The following SLC9A4 variants were observed in gnomAD, a reference collection of about 807,000 sequenced individuals.
SLC9A4 encodes the protein sodium/hydrogen exchanger 4.
Under a neutral mutation model 67.4 loss-of-function variants are expected in SLC9A4, and 63 were observed. The ratio of observed to expected loss-of-function variants is 0.93; its 90% CI spans 0.76 to 1.15. SLC9A4 has a LOEUF of 1.15. Among genes scored for constraint, SLC9A4 ranks in the 50% most tolerant of loss-of-function variants. The probability of loss-of-function intolerance (pLI) is 0.00; values close to 1 mark genes in which losing one functional copy is unlikely to be tolerated. For synonymous variants in SLC9A4, 393 were observed against 367.2 expected (o/e 1.07, Z -0.80); for missense variants, 1,089 against 987.7 (o/e 1.10, Z -1.38).
intron 1 of SLC9A4, 54 bp from the exon 2 acceptor site, chr2:102,478,785 T>A: frequency 1.3e-6 from 2 of 1,554,386 alleles, no homozygotes; most frequent in Non-Finnish European, 1.7e-6. Context: ...AGACCTCAGG[T>A]ACACCCAGAC....
At chr2:102,518,043 G>A (rs1435213044) in intron 8 of SLC9A4, among the ~76,000 whole-genome samples, 1 of 152,146 alleles carries the variant, frequency 6.6e-6, no homozygotes, top group African/African-American at 2.4e-5. Flanking sequence ...CTTGCCCAAG[G>A]GAATCAATTC....
At chr2:102,512,146 T>C in intron 6 of SLC9A4, 57 bp from the exon 7 acceptor site, 1 of 1,591,814 alleles carries the variant, frequency 6.3e-7, no homozygotes, top group Middle Eastern at 1.7e-4. Context: ...AGTTGTCCTG[T>C]GTGTCTTTCA....
chr2:102,473,505 G>T lies in SLC9A4; in HGVS notation c.-255G>T. 1 of 492,572 alleles carries T rather than the reference G, an allele frequency of 2.0e-6. No individual in the cohort carries two copies. Among genetic ancestry groups the T allele is most frequent in the Non-Finnish European group, 3.6e-6 (1 of 277,580 alleles). The allele number at this position is 492,572 out of a possible 1,614,324, so 30.5% of individuals were successfully genotyped here. ...TGGAGGTCCTCCAGGTAGCTCCATG[G>T]ACTTTAACAAGTCTATTGAATAACT... is the stretch of plus-strand genomic sequence containing the variant. On this transcript the variant is annotated 5_prime_UTR_variant, in exon 1 of 12. Coordinates refer to ENST00000295269, the MANE Select transcript of SLC9A4 (RefSeq NM_001011552.4).
intron 2 of SLC9A4, among the ~76,000 whole-genome samples, chr2:102,491,914 G>T (rs983047645): frequency 1.3e-5 from 2 of 152,182 alleles, no homozygotes; most frequent in Middle Eastern, 3.2e-3. Context: ...AAAGGCACTG[G>T]GTAAATACAC....
At chr2:102,484,788 A>C (rs1019783973) in intron 2 of SLC9A4, among the ~76,000 whole-genome samples, 1 of 152,182 alleles carries the variant, frequency 6.6e-6, no homozygotes, top group African/African-American at 2.4e-5. Flanking sequence ...TCAAAGGCCC[A>C]GACAGGCCAG....
chr2:102,509,050 A>G (rs989474439), intron 6 of SLC9A4, 117 bp downstream of exon 6: 24 of 865,570 alleles, frequency 2.8e-5, no homozygotes, highest in Non-Finnish European at 4.0e-5. Flanking sequence ...GCCAAGAGTG[A>G]CTGTATAAGT....
intron 11 of SLC9A4, among the ~76,000 whole-genome samples, chr2:102,527,124 G>A (rs1271997267): frequency 1.3e-5 from 2 of 151,952 alleles, no homozygotes; most frequent in Non-Finnish European, 2.9e-5. Flanking sequence ...AAATCATTCA[G>A]TAGAGAAAAG....
chr2:102,526,443 T>C, intron 11 of SLC9A4, 97 bp downstream of exon 11: 1 of 1,069,104 alleles, frequency 9.4e-7, no homozygotes, highest in Non-Finnish European at 1.4e-6. Flanking sequence ...GAACATTATG[T>C]AGGTTACTTA....
At chr2:102,513,320 C>T (rs1685204810) in intron 7 of SLC9A4, among the ~76,000 whole-genome samples, 1 of 152,184 alleles carries the variant, frequency 6.6e-6, no homozygotes, top group African/African-American at 2.4e-5. Flanking sequence ...GATAATAAAC[C>T]AGCAGCCCGG....
rs28738829 is a variant in SLC9A4, at chr2:102,510,208, G to T, written c.1488+1275G>T. Among the ~76,000 whole-genome samples the T allele has an allele frequency of 5.4e-3, 823 of 152,070 alleles. 16 individuals carry two copies. The highest frequency in any genetic ancestry group is 0.019 in the African/African-American group (789 of 41,424). On this transcript the variant is annotated intron_variant, in intron 6 of 11. Coordinates refer to ENST00000295269, the MANE Select transcript of SLC9A4 (RefSeq NM_001011552.4). ...ATGGATATAGATATAGATAGATATAGATATAGATACAGATACGGATACGGA... is the reference window on the plus strand; with the variant it reads ...ATGGATATAGATATAGATAGATATATATATAGATACAGATACGGATACGGA...
intron 11 of SLC9A4, among the ~76,000 whole-genome samples, chr2:102,530,285 G>A (rs1674752124): frequency 6.6e-6 from 1 of 152,152 alleles, no homozygotes; most frequent in African/African-American, 2.4e-5. Context: ...ATGTCCAGAA[G>A]TTAAGGCTTT....
intron 9 of SLC9A4, among the ~76,000 whole-genome samples, chr2:102,521,026 C>G (rs1172370776): frequency 2.6e-5 from 4 of 152,346 alleles, no homozygotes; most frequent in Non-Finnish European, 5.9e-5. Flanking sequence ...AATTCCATGG[C>G]TTTCAAATCA....
chr2:102,508,268 C>A lies in SLC9A4; in HGVS notation c.1388C>A (p.Thr463Asn), dbSNP rs1319840440. ...VTATLVVIYF[T>N]VFIQGITVGP... Reference sequence around the variant, plus strand: ...GCTACTCTAGTAGTTATATACTTTACTGTATTTATTCAGGTAAGTAGATTT... The same window carrying A: ...GCTACTCTAGTAGTTATATACTTTAATGTATTTATTCAGGTAAGTAGATTT... Residue 463 changes from threonine to asparagine, a missense_variant, in exon 5 of 12, where the codon ACT (threonine) becomes AAT (asparagine). By Grantham distance (65) the Thr-to-Asn change is moderately conservative. Coordinates refer to ENST00000295269, the MANE Select transcript of SLC9A4 (RefSeq NM_001011552.4). 6.2e-7 allele frequency: 1 copy of A among 1,612,216 alleles called. No individual in the cohort carries two copies.
chr2:102,497,619 G>A (rs1488061713), intron 2 of SLC9A4, among the ~76,000 whole-genome samples: 1 of 152,194 alleles, frequency 6.6e-6, no homozygotes, highest in Admixed American at 6.5e-5. Flanking sequence ...TGTATAAAAT[G>A]CAAATTAATC....
intron 2 of SLC9A4, among the ~76,000 whole-genome samples, chr2:102,488,385 G>A (rs912431184): frequency 6.6e-6 from 1 of 152,074 alleles, no homozygotes; most frequent in African/African-American, 2.4e-5. Context: ...GGCCTGGATG[G>A]GAGCACTAGA....
chr2:102,485,396 A>C (rs1212239243), intron 2 of SLC9A4, among the ~76,000 whole-genome samples: 1 of 152,182 alleles, frequency 6.6e-6, no homozygotes, highest in Non-Finnish European at 1.5e-5. Context: ...CCTTTCATGC[A>C]GTTTGCAATT....
At position 102,526,326 on chromosome 2, in the gene SLC9A4, C is replaced by G. The variant is rs138586177; in HGVS notation, c.2018C>G (p.Thr673Arg). The G allele has an allele frequency of 3.1e-6, 5 of 1,613,860 alleles. No individual in the cohort carries two copies. In the East Asian group the frequency reaches 1.1e-4, roughly 36 times the overall value. ...YGNPQSAGRD[T>R]RAAGFSDDDS... ...AATCCTCAGTCTGCAGGAAGAGACA[C>G]AAGGGCTGCTGGGTTCTCAGGTAAG... Residue 673 changes from threonine to arginine, a missense_variant, in exon 11 of 12, where the codon ACA (threonine) becomes AGA (arginine). Coordinates refer to ENST00000295269, the MANE Select transcript of SLC9A4 (RefSeq NM_001011552.4).
Position 102,478,821 on chromosome 2 carries a change from C to T in SLC9A4, c.257-18C>T, listed in dbSNP as rs765048548. ...CGTTTCGTTTGCAAGCACCTAACTGCTCTTCGCTGTTCTGCAGGCTTCCAC... is the reference window on the plus strand; with the variant it reads ...CGTTTCGTTTGCAAGCACCTAACTGTTCTTCGCTGTTCTGCAGGCTTCCAC... On this transcript the variant is annotated intron_variant, in intron 1 of 11. Coordinates refer to ENST00000295269, the MANE Select transcript of SLC9A4 (RefSeq NM_001011552.4). 1.9e-6 allele frequency: 3 copies of T among 1,609,392 alleles called. No homozygotes were observed. The highest frequency in any genetic ancestry group is 2.2e-5 in the South Asian group (2 of 90,430).
At chr2:102,510,252 T>C (rs1038392833) in intron 6 of SLC9A4, among the ~76,000 whole-genome samples, 2 of 149,420 alleles carry the variant, frequency 1.3e-5, no homozygotes, top group Non-Finnish European at 3.0e-5. Context: ...CAGATACAGA[T>C]ACAGATACAG....
Sources: allele counts gnomAD v4.1 joint callset (sites outside exome capture counted in the v4.1 genomes callset), GRCh38; gene constraint gnomAD v4.1.1; transcripts MANE v1.5; gene names NCBI Gene and HGNC (gene_info 2026-07-23, HGNC 2026-07-21).